The following TENM3 variants were observed in gnomAD, a reference collection of about 807,000 sequenced individuals.
TENM3 encodes teneurin-3.
In TENM3, 63 loss-of-function variants were observed where a neutral mutation model predicts 255.1. The ratio of observed to expected loss-of-function variants is 0.25; its 90% confidence interval spans 0.20 to 0.30. The LOEUF (loss-of-function observed/expected upper bound fraction) is 0.30. Among genes scored for constraint, TENM3 ranks in the 10% least tolerant of loss-of-function variants. The pLI is 1.00. For synonymous variants in TENM3, 1,306 were observed against 1,322.3 expected (o/e 0.99, Z 0.27); for missense variants, 2,929 against 3,461.1 (o/e 0.85, Z 3.86).
chr4:181,767,627 G>C, the TENM3 span, among the ~76,000 whole-genome samples: 4 of 152,070 alleles, frequency 2.6e-5, no homozygotes, highest in Non-Finnish European at 5.9e-5. Context: ...TCCTATTCCA[G>C]AGAGTCTTAC....
At chr4:181,754,991 C>T in the TENM3 span, among the ~76,000 whole-genome samples, 1 of 152,104 alleles carries the variant, frequency 6.6e-6, no homozygotes, top group South Asian at 2.1e-4. Flanking sequence ...CTCTCAAGGG[C>T]AAACATGAGG....
chr4:182,766,183 T>C (rs2152778771), intron 22 of TENM3, among the ~76,000 whole-genome samples: 1 of 152,200 alleles, frequency 6.6e-6, no homozygotes, highest in Middle Eastern at 3.4e-3. Flanking sequence ...GGGTTTGTCC[T>C]CTGAGCACTT....
the TENM3 span, among the ~76,000 whole-genome samples, chr4:181,963,161 T>C: frequency 6.6e-6 from 1 of 152,228 alleles, no homozygotes; most frequent in Non-Finnish European, 1.5e-5. Flanking sequence ...GATTTGGCCA[T>C]ACTGCTTCTA....
chr4:182,400,885 G>A (rs986498283), intron 3 of TENM3, among the ~76,000 whole-genome samples: 4 of 152,120 alleles, frequency 2.6e-5, no homozygotes, highest in Admixed American at 6.6e-5. Context: ...GGTTAACCGT[G>A]GATTCATGTT....
the TENM3 span, among the ~76,000 whole-genome samples, chr4:182,011,486 A>G: frequency 7.2e-5 from 11 of 152,298 alleles, no homozygotes; most frequent in African/African-American, 2.6e-4. Flanking sequence ...ACTCCAGTCC[A>G]TCATCTGAGC....
chr4:182,463,910 C>T (rs1264667824), intron 3 of TENM3, among the ~76,000 whole-genome samples: 8 of 152,100 alleles, frequency 5.3e-5, no homozygotes, highest in South Asian at 2.1e-4. Context: ...GTGTGAGCCA[C>T]CGTGCCCAGC....
the TENM3 span, among the ~76,000 whole-genome samples, chr4:181,724,466 C>G: frequency 6.6e-6 from 1 of 151,732 alleles, no homozygotes; most frequent in South Asian, 2.1e-4. Flanking sequence ...TTTTTCATTT[C>G]TGCCATCATA....
At chr4:181,562,089 G>C in the TENM3 span, among the ~76,000 whole-genome samples, 3 of 152,070 alleles carry the variant, frequency 2.0e-5, no homozygotes, top group African/African-American at 7.2e-5. Flanking sequence ...TTTATGTTGT[G>C]TATTAACAAA....
intron 3 of TENM3, among the ~76,000 whole-genome samples, chr4:182,367,397 G>T (rs909398017): frequency 1.3e-5 from 2 of 152,186 alleles, no homozygotes; most frequent in Non-Finnish European, 2.9e-5. Context: ...TGTGGGTAGT[G>T]TCTGGCCAGT....
At chr4:182,600,868 C>CAGAT in intron 3 of TENM3, 56 bp from the exon 4 acceptor site, 1 of 628,366 alleles carries the variant, frequency 1.6e-6, no homozygotes, top group Non-Finnish European at 2.5e-6. Context: ...TGTGTATATA[C>CAGAT]ATATATATAT....
chr4:181,840,111 T>A, the TENM3 span, among the ~76,000 whole-genome samples: 1 of 152,106 alleles, frequency 6.6e-6, no homozygotes, highest in African/African-American at 2.4e-5. Flanking sequence ...ATCAAATTTT[T>A]ATATACATAA....
chr4:181,831,489 G>T, the TENM3 span, among the ~76,000 whole-genome samples: 2 of 89,944 alleles, frequency 2.2e-5, no homozygotes, highest in African/African-American at 4.3e-5. Context: ...AATTAACATT[G>T]CCTATGTGCC....
the TENM3 span, among the ~76,000 whole-genome samples, chr4:181,932,519 T>C: frequency 5.3e-5 from 8 of 152,244 alleles, no homozygotes; most frequent in Admixed American, 6.5e-5. Flanking sequence ...AAACAACAGA[T>C]GCTAGAGAGG....
intron 3 of TENM3, among the ~76,000 whole-genome samples, chr4:182,597,172 G>A (rs187038825): frequency 2.6e-4 from 39 of 152,286 alleles, no homozygotes; most frequent in East Asian, 7.7e-4. Context: ...GGAGGCCTCC[G>A]CGGGAGGATC....
the TENM3 span, among the ~76,000 whole-genome samples, chr4:181,951,270 G>T: frequency 6.6e-6 from 1 of 151,990 alleles, no homozygotes; most frequent in Non-Finnish European, 1.5e-5. Flanking sequence ...ACAAAAACTT[G>T]CATATGGGTG....
In TENM3 at chr4:182,314,264, A is replaced by G. The variant is rs371777427; in HGVS notation, c.-75-9682A>G. Among the ~76,000 whole-genome samples the G allele has an allele frequency of 1.5e-3, 229 of 151,946 alleles. 3 individuals are homozygous for G. The highest frequency in any genetic ancestry group is 6.2e-3 in the South Asian group (30 of 4,806). Reference sequence around the variant, plus strand: ...TGCAGTGAGCCGAGATCGCGCCACTACACTCCAGCCTGGGCGACAGAGCGA... The same window carrying G: ...TGCAGTGAGCCGAGATCGCGCCACTGCACTCCAGCCTGGGCGACAGAGCGA... On this transcript the variant is annotated intron_variant, in intron 1 of 27. Transcript: ENST00000511685.
chr4:182,796,063 C>T (rs1766477652), intron 26 of TENM3, among the ~76,000 whole-genome samples: 1 of 152,244 alleles, frequency 6.6e-6, no homozygotes, highest in South Asian at 2.1e-4. Context: ...CCTTTGAAGT[C>T]ACAACTGATG....
chr4:182,489,916 T>C (rs1039406501), intron 3 of TENM3, among the ~76,000 whole-genome samples: 3 of 151,582 alleles, frequency 2.0e-5, no homozygotes, highest in African/African-American at 4.8e-5. Flanking sequence ...TCTGGGATGT[T>C]GCCTTAATAG....
At chr4:181,475,876 T>C in the TENM3 span, among the ~76,000 whole-genome samples, 1 of 152,218 alleles carries the variant, frequency 6.6e-6, no homozygotes, top group Non-Finnish European at 1.5e-5. Flanking sequence ...CCCGCAAAGC[T>C]TGATGTTCTC....
Sources: gnomAD v4.1 joint callset for allele counts (sites outside exome capture counted in the v4.1 genomes callset) on GRCh38, gnomAD v4.1.1 for gene constraint, MANE v1.5 for transcripts, NCBI Gene and HGNC (gene_info 2026-07-23, HGNC 2026-07-21) for gene names.